Variants in NEMF observed in about 807,000 individuals in gnomAD.
NEMF encodes the protein nuclear export mediator factor.
In NEMF, 89 loss-of-function variants were observed where a neutral mutation model predicts 162.2. The ratio of observed to expected loss-of-function variants is 0.55; its 90% confidence interval spans 0.46 to 0.65. NEMF has a LOEUF of 0.65. Among genes scored for constraint, NEMF ranks in the 30% least tolerant of loss-of-function variants. The probability of loss-of-function intolerance (pLI) is 0.00; values close to 1 mark genes in which losing one functional copy is unlikely to be tolerated. For synonymous variants in NEMF, 421 were observed against 404.5 expected (o/e 1.04, Z -0.49); for missense variants, 1,133 against 1,261.9 (o/e 0.90, Z 1.55).
intron 18 of NEMF, among the ~76,000 whole-genome samples, chr14:49,811,535 G>GGTAC (rs1361432528): frequency 6.6e-6 from 1 of 152,136 alleles, no homozygotes; most frequent in Non-Finnish European, 1.5e-5. Context: ...GGAGGAGGAA[G>GGTAC]GTACCCAATC....
At position 49,844,824 on chromosome 14, in the gene NEMF, A is replaced by G. The variant is rs1231996539; in HGVS notation, c.357+1316T>C. The G allele has an allele frequency of 1.4e-5, 6 of 426,358 alleles. No homozygotes were observed. In the Admixed American group the frequency reaches 1.5e-4, roughly 10 times the overall value. 26.4% of individuals were successfully genotyped at this position (426,358 alleles called of 1,614,324 possible). ...CACTCTGTCACCTGAGCTGGAGTACAATGGCATGATCTCAGCTCACTGCAA... is the reference window on the plus strand; with the variant it reads ...CACTCTGTCACCTGAGCTGGAGTACGATGGCATGATCTCAGCTCACTGCAA... On this transcript the variant is annotated intron_variant, in intron 4 of 32. Transcript: ENST00000298310.
chr14:49,838,075 C>G, intron 6 of NEMF, 64 bp downstream of exon 6: 1 of 1,251,998 alleles, frequency 8.0e-7, no homozygotes, highest in Non-Finnish European at 1.1e-6. Context: ...TAAAAGATTT[C>G]AATATATTCC....
chr14:49,847,993 C>A (rs1003858773), intron 3 of NEMF, among the ~76,000 whole-genome samples: 5 of 149,602 alleles, frequency 3.3e-5, no homozygotes, highest in African/African-American at 1.2e-4. Context: ...GATGACACTA[C>A]TGCAATCCAG....
chr14:49,852,537 C>T (rs977963588), intron 1 of NEMF, among the ~76,000 whole-genome samples, 158 bp downstream of exon 1: 3 of 152,200 alleles, frequency 2.0e-5, no homozygotes, highest in Non-Finnish European at 4.4e-5. Context: ...CTAAGGGTCA[C>T]GGGAAAGACA....
chr14:49,800,848 G>A, intron 22 of NEMF, 152 bp from the exon 23 acceptor site: 1 of 661,598 alleles, frequency 1.5e-6, no homozygotes, highest in Non-Finnish European at 2.6e-6. Context: ...GGTACTCTTA[G>A]ACAAAAGAAT....
rs1309686859 is a variant in NEMF at position 49,782,929 on chromosome 14, T to C, written c.*1707A>G. 1.9e-6 allele frequency: 3 copies of C among 1,613,560 alleles called. No individual in the cohort carries two copies. Among genetic ancestry groups the C allele is most frequent in the Admixed American group, 1.7e-5 (1 of 59,928 alleles). On this transcript the variant is annotated 3_prime_UTR_variant, in exon 33 of 33. Coordinates refer to ENST00000298310, the MANE Select transcript of NEMF (RefSeq NM_004713.6). Reference sequence around the variant, plus strand: ...TTCACAGTGTTAATCAGAGGTTTGGTAGTAACAACACTTCTGGATCTTAAG... The same window carrying C: ...TTCACAGTGTTAATCAGAGGTTTGGCAGTAACAACACTTCTGGATCTTAAG...
At chr14:49,846,395 A>C in intron 3 of NEMF, 130 bp from the exon 4 acceptor site, 1 of 767,304 alleles carries the variant, frequency 1.3e-6, no homozygotes. Context: ...CAGTATAGTC[A>C]TAAAGTAATA....
chr14:49,801,996 G>A (rs923300513), intron 22 of NEMF, among the ~76,000 whole-genome samples: 8 of 151,016 alleles, frequency 5.3e-5, no homozygotes, highest in African/African-American at 2.0e-4. Flanking sequence ...CTGTGGCCCA[G>A]GCTGGAGTGC....
Position 49,828,701 on chromosome 14 carries a change from T to A in NEMF, c.1339A>T (p.Asn447Tyr). ...TTCTGAGGCTTCTGCAGCTGTTTAT[T>A]CTTTTGTTTTTTCTTTTTTCCTTTT... Reference protein sequence around the residue: ...PPKGKKKKQKNKQLQKPQKNK... With the variant: ...PPKGKKKKQKYKQLQKPQKNK... The change falls in exon 14 of 33, where the codon AAT becomes TAT. Residue 447 changes from asparagine (N) to tyrosine (Y), a missense_variant. Transcript: ENST00000298310. 6.2e-7 allele frequency: 1 copy of A among 1,607,422 alleles called. No homozygotes were observed. Among genetic ancestry groups the A allele is most frequent in the South Asian group, 1.1e-5 (1 of 89,392 alleles).
At chr14:49,785,735 A>G (rs1398372524) in intron 29 of NEMF, 2 of 182,252 alleles carry the variant, frequency 1.1e-5, no homozygotes, top group South Asian at 1.1e-4. Flanking sequence ...AAAAAATATA[A>G]AAGTTAGCTG....
chr14:49,847,706 CTTTTTTTTTTTTTTT>C (rs79188374), intron 3 of NEMF, among the ~76,000 whole-genome samples: 131,107 of 138,136 alleles, frequency 0.95, 62,236 homozygotes, highest in Middle Eastern at 0.98. Flanking sequence ...CCTACCAATT[CTTTTTTTTTTTTTTT>C]TTTTTTTTTT....
intron 5 of NEMF, chr14:49,839,750 T>G (rs1005576315): frequency 1.3e-5 from 2 of 152,172 alleles, no homozygotes; most frequent in African/African-American, 2.4e-5. Context: ...GCACATATAC[T>G]AAAATTAGAA....
Position 49,838,158 on chromosome 14 carries a change from C to T in NEMF, c.555G>A (p.Arg185=), listed in dbSNP as rs1180750616. ...ACTCACGAAGTAATGGGTTAAGCAC[C>T]CTCTTCAGTAGTTCACCCTTAGGTG... ...ASAPKGELLK[R]VLNPLLPYGP... Residue 185 remains arginine (R), a synonymous_variant, in exon 6 of 33, where the codon AGG becomes AGA. Coordinates refer to ENST00000298310, the MANE Select transcript of NEMF (RefSeq NM_004713.6). The T allele has an allele frequency of 2.5e-6, 4 of 1,613,284 alleles. No homozygotes were observed. The East Asian group carries it at 6.7e-5, about 27-fold the overall frequency.
Position 49,832,142 on chromosome 14 carries a change from AT to A in NEMF, c.807-17del. The A allele has an allele frequency of 6.3e-7, 1 of 1,597,736 alleles. No homozygotes were observed. Among genetic ancestry groups the A allele is most frequent in the South Asian group, 1.1e-5 (1 of 88,526 alleles). On this transcript the variant is annotated splice_polypyrimidine_tract_variant and intron_variant, in intron 9 of 32. Transcript: ENST00000298310. ...TTCCTCATACCTGTAAAACATATTT[AT>A]TATATCACATTCGAGAACATTAACA...
In NEMF at chr14:49,833,460, T is replaced by A; in HGVS notation, c.698A>T (p.Glu233Val). The change falls in exon 8 of 33, where the codon GAA becomes GTA. Residue 233 changes from glutamate to valine, a missense_variant. By Grantham distance (121) the Glu-to-Val change is moderately radical. Transcript: ENST00000298310. Reference sequence around the variant, plus strand: ...GTTGGATGTTGTTTTCATATAGTCTTCTGCTTTCTGCAGAGAAACAAGTAC... The same window carrying A: ...GTTGGATGTTGTTTTCATATAGTCTACTGCTTTCTGCAGAGAAACAAGTAC... ...EKVLVSLQKA[E>V]DYMKTTSNFS... 1 of 1,588,132 alleles carries A rather than the reference T, an allele frequency of 6.3e-7. No homozygotes were observed. Among genetic ancestry groups the A allele is most frequent in the East Asian group, 2.2e-5 (1 of 44,624 alleles).
intron 6 of NEMF, among the ~76,000 whole-genome samples, chr14:49,837,201 G>A (rs959626542): frequency 5.9e-5 from 9 of 152,130 alleles, no homozygotes; most frequent in African/African-American, 1.9e-4. Flanking sequence ...GCTTGAACCC[G>A]GGAGGCAGAG....
intron 6 of NEMF, among the ~76,000 whole-genome samples, chr14:49,837,619 T>A (rs1049673085): frequency 2.0e-5 from 3 of 152,198 alleles, no homozygotes; most frequent in African/African-American, 7.2e-5. Context: ...TTGAATGCTT[T>A]CTAATTTCAT....
At chr14:49,799,417 A>G in intron 25 of NEMF, 58 bp downstream of exon 25, 2 of 1,402,592 alleles carry the variant, frequency 1.4e-6, no homozygotes, top group South Asian at 1.3e-5. Context: ...TAGCTGAGCT[A>G]TCAATTAAAA....
At position 49,786,758 on chromosome 14, in the gene NEMF, G is replaced by GAAC; in HGVS notation, c.2896-11_2896-9dup. 1 of 1,610,894 alleles carries GAAC rather than the reference G, an allele frequency of 6.2e-7. No individual in the cohort carries two copies. Among genetic ancestry groups the GAAC allele is most frequent in the Non-Finnish European group, 8.5e-7 (1 of 1,178,066 alleles). On this transcript the variant is annotated splice_polypyrimidine_tract_variant and intron_variant, in intron 28 of 32. Transcript: ENST00000298310. ...ATCCAGATCTTGCTCTTCCTGTTCC[G>GAAC]AACATATAAAAATAAAAATGTCAGC...
Sources: gnomAD v4.1 joint callset for allele counts (sites outside exome capture counted in the v4.1 genomes callset) on GRCh38, gnomAD v4.1.1 for gene constraint, MANE v1.5 for transcripts, NCBI Gene and HGNC (gene_info 2026-07-23, HGNC 2026-07-21) for gene names.